The following SLC44A1 variants were observed in gnomAD, a reference collection of about 807,000 sequenced individuals.
SLC44A1 encodes the protein solute carrier family 44 member 1, also known as choline transporter-like protein 1.
Under a neutral mutation model 79.3 loss-of-function variants are expected in SLC44A1, and 26 were observed. The ratio of observed to expected loss-of-function variants is 0.33; its 90% CI spans 0.24 to 0.46. The LOEUF is 0.46. Among genes scored for constraint, SLC44A1 ranks in the 20% least tolerant of loss-of-function variants. The probability of loss-of-function intolerance (pLI) is 1.00; values close to 1 mark genes in which losing one functional copy is unlikely to be tolerated. For missense variants in SLC44A1, 688 were observed against 798.1 expected, an observed-to-expected ratio of 0.86 and a Z score of 1.66; for synonymous variants, 263 against 286.2, an observed-to-expected ratio of 0.92 and a Z score of 0.82.
chr9:105,290,924 G>T (rs1271855577), intron 1 of SLC44A1, among the ~76,000 whole-genome samples: 1 of 152,158 alleles, frequency 6.6e-6, no homozygotes, highest in Non-Finnish European at 1.5e-5. Context: ...AATGCTTTTA[G>T]TTTTACCTTT....
intron 1 of SLC44A1, among the ~76,000 whole-genome samples, chr9:105,255,363 G>T (rs1261587299): frequency 1.3e-5 from 2 of 151,958 alleles, no homozygotes; most frequent in African/African-American, 4.8e-5. Context: ...ATACTTTATT[G>T]ATTTGCTGAA....
chr9:105,419,465 A>G (rs1396559670), intron 15 of SLC44A1, among the ~76,000 whole-genome samples: 1 of 152,238 alleles, frequency 6.6e-6, no homozygotes. Context: ...CATATGTTGC[A>G]ATCTGAGAAT....
chr9:105,293,529 G>C (rs1400614567), intron 1 of SLC44A1, among the ~76,000 whole-genome samples: 2 of 152,064 alleles, frequency 1.3e-5, no homozygotes, highest in Admixed American at 6.6e-5. Context: ...CTGATCTTTT[G>C]ATACCTTCCT....
At chr9:105,376,107 C>A (rs1307155202) in intron 13 of SLC44A1, among the ~76,000 whole-genome samples, 1 of 152,020 alleles carries the variant, frequency 6.6e-6, no homozygotes, top group African/African-American at 2.4e-5. Context: ...GTTGCTCTAG[C>A]CAACTGTATT....
chr9:105,416,475 G>A (rs1671748353), intron 15 of SLC44A1, among the ~76,000 whole-genome samples: 1 of 152,006 alleles, frequency 6.6e-6, no homozygotes, highest in Non-Finnish European at 1.5e-5. Flanking sequence ...TGGGGGTGGG[G>A]GCAACAATTC....
intron 1 of SLC44A1, among the ~76,000 whole-genome samples, chr9:105,265,169 C>T (rs10991601): frequency 0.14 from 20,933 of 152,058 alleles, 1,907 homozygotes; most frequent in African/African-American, 0.25. Context: ...AATTTACATA[C>T]GGTACAATTC....
chr9:105,392,455 T>C lies in SLC44A1; in HGVS notation c.*3399T>C. ...TCCGTGAGGGCATTAGGCTGCTGATTGTAAGTTATTTCCAATACCACTGAT... is the reference window on the plus strand; with the variant it reads ...TCCGTGAGGGCATTAGGCTGCTGATCGTAAGTTATTTCCAATACCACTGAT... On this transcript the variant is annotated 3_prime_UTR_variant, in exon 16 of 16. Transcript: ENST00000374720. 1.0e-6 allele frequency: 1 copy of C among 978,906 alleles called. No individual in the cohort carries two copies. The highest frequency in any genetic ancestry group is 1.2e-6 in the Non-Finnish European group (1 of 828,160). 60.6% of individuals were successfully genotyped at this position (978,906 alleles called of 1,614,324 possible).
chr9:105,315,275 T>G (rs555061729), intron 3 of SLC44A1, among the ~76,000 whole-genome samples: 14,643 of 150,212 alleles, frequency 0.097, 1,120 homozygotes, highest in African/African-American at 0.22. Context: ...TTGTTTGTTT[T>G]TTTTTTTTTT....
chr9:105,300,184 C>T (rs1311441856), intron 2 of SLC44A1, among the ~76,000 whole-genome samples: 5 of 152,180 alleles, frequency 3.3e-5, no homozygotes, highest in Admixed American at 6.5e-5. Flanking sequence ...CCCAAGGCCA[C>T]ACTGCTAGTT....
At chr9:105,285,918 T>G (rs2131263053) in intron 1 of SLC44A1, among the ~76,000 whole-genome samples, 2 of 152,230 alleles carry the variant, frequency 1.3e-5, no homozygotes, top group East Asian at 3.9e-4. Flanking sequence ...CTGGCCAACA[T>G]GATGAAACCC....
intron 3 of SLC44A1, among the ~76,000 whole-genome samples, chr9:105,312,406 A>G (rs924295051): frequency 6.6e-6 from 1 of 152,206 alleles, no homozygotes; most frequent in Admixed American, 6.5e-5. Flanking sequence ...TGTGTATTCT[A>G]AGTGCCATGA....
At chr9:105,339,781 A>T (rs1827030008) in intron 4 of SLC44A1, among the ~76,000 whole-genome samples, 1 of 152,208 alleles carries the variant, frequency 6.6e-6, no homozygotes, top group African/African-American at 2.4e-5. Context: ...AGATTATGCC[A>T]CTGCACTCTA....
At chr9:105,409,804 G>C (rs1279361835) in intron 15 of SLC44A1, among the ~76,000 whole-genome samples, 1 of 152,136 alleles carries the variant, frequency 6.6e-6, no homozygotes, top group South Asian at 2.1e-4. Context: ...AAAATGGATA[G>C]AATAACTAGA....
At chr9:105,412,047 A>T (rs1323905482) in intron 15 of SLC44A1, among the ~76,000 whole-genome samples, 1 of 152,208 alleles carries the variant, frequency 6.6e-6, no homozygotes, top group Non-Finnish European at 1.5e-5. Context: ...TGGTGTTTTC[A>T]TATAATGATG....
intron 3 of SLC44A1, among the ~76,000 whole-genome samples, chr9:105,322,628 G>A (rs1393383780): frequency 6.6e-6 from 1 of 152,146 alleles, no homozygotes; most frequent in Admixed American, 6.5e-5. Flanking sequence ...CATAGGTTAA[G>A]AACAGTGATT....
At chr9:105,299,080 A>G (rs1270534815) in intron 1 of SLC44A1, 140 bp from the exon 2 acceptor site, 7 of 596,730 alleles carry the variant, frequency 1.2e-5, no homozygotes, top group East Asian at 3.2e-5. Context: ...AAAGGTGACA[A>G]ATATTTGAGT....
At chr9:105,374,794 CT>C in intron 13 of SLC44A1, 59 bp downstream of exon 13, 1 of 1,381,332 alleles carries the variant, frequency 7.2e-7, no homozygotes, top group African/African-American at 1.4e-5. Context: ...TTTATTTGCT[CT>C]TTTATTTTAA....
In SLC44A1 at chr9:105,397,161, T is replaced by A; in HGVS notation, c.*8105T>A. 1 of 985,364 alleles carries A rather than the reference T, an allele frequency of 1.0e-6. No homozygotes were observed. Among genetic ancestry groups the A allele is most frequent in the African/African-American group, 1.7e-5 (1 of 57,356 alleles). 61.0% of individuals were successfully genotyped at this position (985,364 alleles called of 1,614,324 possible). On this transcript the variant is annotated 3_prime_UTR_variant, in exon 16 of 16. Transcript: ENST00000374720. ...ATCTGGCTTCAGAGAACAATCAGCC[T>A]ATATGAAACGGAGCTTTGAAATGTT... is the stretch of plus-strand genomic sequence containing the variant.
intron 15 of SLC44A1, among the ~76,000 whole-genome samples, chr9:105,428,324 C>T (rs1321615488): frequency 6.6e-6 from 1 of 152,032 alleles, no homozygotes; most frequent in Non-Finnish European, 1.5e-5. Context: ...TTATTAATAG[C>T]TAGAAATAAT....
Sources: gnomAD v4.1 joint callset for allele counts (sites outside exome capture counted in the v4.1 genomes callset) on GRCh38, gnomAD v4.1.1 for gene constraint, MANE v1.5 for transcripts, NCBI Gene and HGNC (gene_info 2026-07-23, HGNC 2026-07-21) for gene names.